The following COL4A3 variants were observed in gnomAD, a reference collection of about 807,000 sequenced individuals.
The protein encoded by COL4A3 is collagen type IV alpha 3 chain.
Under a neutral mutation model 217.4 loss-of-function variants are expected in COL4A3, and 135 were observed. The observed-to-expected ratio is 0.62, with a 90% CI of 0.54 to 0.72. The LOEUF (loss-of-function observed/expected upper bound fraction) is 0.72. Ranked by LOEUF, COL4A3 falls within the 30% of genes least tolerant of loss-of-function variation. COL4A3 has a pLI of 0.00. For synonymous variants in COL4A3, 690 were observed against 736.3 expected (o/e 0.94, Z 1.02); for missense variants, 1,868 against 2,119.9 (o/e 0.88, Z 2.33).
At chr2:227,235,570 G>A (rs1057171200) in intron 1 of COL4A3, among the ~76,000 whole-genome samples, 3 of 152,140 alleles carry the variant, frequency 2.0e-5, no homozygotes, top group Non-Finnish European at 4.4e-5. Flanking sequence ...ACTGTACCCA[G>A]TGTGTGGTCT....
At chr2:227,238,970 C>T (rs1375147589) in intron 2 of COL4A3, among the ~76,000 whole-genome samples, 3 of 152,148 alleles carry the variant, frequency 2.0e-5, no homozygotes, top group African/African-American at 7.2e-5. Context: ...CGAGAGGGGT[C>T]TAGCACATTC....
chr2:227,221,525 T>C (rs2067785686), intron 1 of COL4A3: 1 of 152,164 alleles, frequency 6.6e-6, no homozygotes, highest in East Asian at 1.9e-4. Flanking sequence ...ACTGTGTCTA[T>C]GCAGCCCAGT....
Position 227,288,424 on chromosome 2 carries a change from G to A in COL4A3, c.2882-726G>A, listed in dbSNP as rs143233056. Among the ~76,000 whole-genome samples the A allele has an allele frequency of 2.6e-5, 4 of 152,094 alleles. No individual in the cohort carries two copies. The East Asian group carries it at 7.7e-4, about 29-fold the overall frequency. On this transcript the variant is annotated intron_variant, in intron 34 of 51. Coordinates refer to ENST00000396578, the MANE Select transcript of COL4A3 (RefSeq NM_000091.5). Reference sequence around the variant, plus strand: ...ATGACTATTTATGAACAGGAGAAGAGTATGATCAAAGTCATGTTTTAGGGA... The same window carrying A: ...ATGACTATTTATGAACAGGAGAAGAATATGATCAAAGTCATGTTTTAGGGA...
intron 28 of COL4A3, among the ~76,000 whole-genome samples, chr2:227,279,319 G>A (rs1250331700): frequency 6.6e-6 from 1 of 151,864 alleles, no homozygotes; most frequent in Admixed American, 6.6e-5. Context: ...CCATCTCCAT[G>A]TTGGTCAGGC....
intron 1 of COL4A3, among the ~76,000 whole-genome samples, chr2:227,179,328 T>A (rs549629155): frequency 3.9e-5 from 6 of 152,318 alleles, no homozygotes; most frequent in African/African-American, 1.2e-4. Flanking sequence ...ATTTAAGTAA[T>A]TAAGTAATAT....
At chr2:227,189,069 A>G (rs772651057) in intron 1 of COL4A3, among the ~76,000 whole-genome samples, 12 of 152,130 alleles carry the variant, frequency 7.9e-5, no homozygotes, top group Non-Finnish European at 1.6e-4. Flanking sequence ...AAAACAGCCC[A>G]TGTTGGCTTG....
chr2:227,253,403 A>G lies in COL4A3; in HGVS notation c.687+66A>G, dbSNP rs781720614. On this transcript the variant is annotated intron_variant, in intron 12 of 51. Transcript: ENST00000396578. This position sits in a 1 kb window ranked among gnomAD's most constrained non-coding sequence, Gnocchi z 4.4. ...TATGTCCCAGAGCATATCAGCCTATACCGTTTACTTACGGGCCAAGCTGAA... is the reference window on the plus strand; with the variant it reads ...TATGTCCCAGAGCATATCAGCCTATGCCGTTTACTTACGGGCCAAGCTGAA... The G allele has an allele frequency of 1.2e-5, 18 of 1,556,920 alleles. No homozygotes were observed. The highest frequency in any genetic ancestry group is 1.5e-5 in the Non-Finnish European group (17 of 1,127,928).
At chr2:227,307,154 AT>A (rs2073541139) in intron 47 of COL4A3, among the ~76,000 whole-genome samples, 1 of 152,080 alleles carries the variant, frequency 6.6e-6, no homozygotes, top group African/African-American at 2.4e-5. Context: ...ACTAACCCTT[AT>A]TACAGTGAAA....
intron 3 of COL4A3, among the ~76,000 whole-genome samples, chr2:227,241,786 T>C (rs1437659592): frequency 1.3e-5 from 2 of 152,282 alleles, no homozygotes; most frequent in African/African-American, 4.8e-5. Context: ...GTGCCAGGCA[T>C]TGGGCCATCT....
At chr2:227,310,329 T>G (rs56167038) in intron 50 of COL4A3, among the ~76,000 whole-genome samples, 8,776 of 152,144 alleles carry the variant, frequency 0.058, 341 homozygotes, top group African/African-American at 0.098. Context: ...AGTGCAGTGG[T>G]GCAATCTTGG....
At position 227,191,056 on chromosome 2, in the gene COL4A3, A is replaced by T. The variant is rs1339721415; in HGVS notation, c.87+26243A>T. 6.6e-6 allele frequency among the ~76,000 whole-genome samples: 1 copy of T among 152,192 alleles called. No homozygotes were observed. The highest frequency in any genetic ancestry group is 1.5e-5 in the Non-Finnish European group (1 of 68,030). ...TTAAAAAATAGATGCAAAGGTTATT[A>T]TATATGAAATTTTATGTCTTTTTTC... On this transcript the variant is annotated intron_variant, in intron 1 of 51. Coordinates refer to ENST00000396578, the MANE Select transcript of COL4A3 (RefSeq NM_000091.5). The surrounding 1 kb of genome is among the most constrained non-coding windows in gnomAD (Gnocchi z 6.8).
At position 227,304,977 on chromosome 2, in the gene COL4A3, T is replaced by C. The variant is rs150560755; in HGVS notation, c.4154-8T>C. 45 of 1,612,612 alleles carry C rather than the reference T, an allele frequency of 2.8e-5. No homozygotes were observed. The highest frequency in any genetic ancestry group is 3.8e-5 in the Non-Finnish European group (45 of 1,178,998). On this transcript the variant is annotated splice_polypyrimidine_tract_variant and splice_region_variant and intron_variant, in intron 46 of 51. Transcript: ENST00000396578. ...ATAAAATGCAATACAATGTTGGTTT[T>C]TGCCTAGGACCCTGTGGGCCAAGAG...
At position 227,214,514 on chromosome 2, in the gene COL4A3, T is replaced by C. The variant is rs373109828; in HGVS notation, c.88-23454T>C. Among the ~76,000 whole-genome samples, 224 of 152,384 alleles carry C rather than the reference T, an allele frequency of 1.5e-3. 1 individual carries two copies. The Middle Eastern group carries it at 0.017, about 12-fold the overall frequency. ...AACAGCTTAGCATCATAACCTTTTC[T>C]ATATTTCTTGCTTTAATTCCAAATC... On this transcript the variant is annotated intron_variant, in intron 1 of 51. Transcript: ENST00000396578.
chr2:227,252,306 C>T (rs1172453341), intron 11 of COL4A3, among the ~76,000 whole-genome samples: 4 of 147,034 alleles, frequency 2.7e-5, no homozygotes, highest in South Asian at 2.2e-4. Context: ...CTCCATCTCC[C>T]GGGTTCAAGC....
intron 1 of COL4A3, among the ~76,000 whole-genome samples, chr2:227,216,271 T>A (rs1471763897): frequency 6.6e-6 from 1 of 152,214 alleles, no homozygotes. Context: ...CAAAGGATGT[T>A]TAAAATATGA....
chr2:227,283,715 C>A, intron 32 of COL4A3, 52 bp from the exon 33 acceptor site: 1 of 1,496,168 alleles, frequency 6.7e-7, no homozygotes, highest in Non-Finnish European at 9.3e-7. Flanking sequence ...GAATATTTTG[C>A]TTTTCTCACT....
intron 42 of COL4A3, among the ~76,000 whole-genome samples, chr2:227,298,074 G>A (rs534930128): frequency 9.2e-5 from 14 of 152,236 alleles, no homozygotes; most frequent in Admixed American, 7.8e-4. Flanking sequence ...CTGGCTGGAC[G>A]CAGTGGCTCA....
intron 3 of COL4A3, among the ~76,000 whole-genome samples, chr2:227,240,755 C>T (rs769192843): frequency 6.6e-6 from 1 of 152,206 alleles, no homozygotes; most frequent in Non-Finnish European, 1.5e-5. Flanking sequence ...CCCTGACTTT[C>T]CTTTCTCTGT....
chr2:227,261,046 C>G (rs1482408129), intron 19 of COL4A3, 36 bp from the exon 20 acceptor site: 1 of 1,576,650 alleles, frequency 6.3e-7, no homozygotes, highest in Admixed American at 1.7e-5. Flanking sequence ...GCATTTATAT[C>G]TTTCTAAGCA....
Sources: allele counts gnomAD v4.1 joint callset (sites outside exome capture counted in the v4.1 genomes callset), GRCh38; gene constraint gnomAD v4.1.1; non-coding constraint Gnocchi (gnomAD v3.1); transcripts MANE v1.5; gene names NCBI Gene and HGNC (gene_info 2026-07-23, HGNC 2026-07-21).